KCNN2: variants seen among roughly 807,000 people sequenced by gnomAD.
The protein encoded by KCNN2 is small conductance calcium-activated potassium channel protein 2.
A neutral mutation model predicts 55.5 loss-of-function variants in KCNN2; 24 were observed. The observed-to-expected ratio is 0.43, with a 90% CI of 0.31 to 0.61. The LOEUF is 0.61. KCNN2 is among the 20% of genes least tolerant of loss of function. KCNN2 has a pLI of 0.08. For synonymous variants in KCNN2, 431 were observed against 336.1 expected (o/e 1.28, Z -3.09); for missense variants, 754 against 853.6 (o/e 0.88, Z 1.45).
intron 2 of KCNN2, among the ~76,000 whole-genome samples, chr5:114,227,981 TTGATGATGATGACGATGATGA>T (rs1288910374): frequency 6.7e-6 from 1 of 149,130 alleles, no homozygotes; most frequent in Non-Finnish European, 1.5e-5. Context: ...CAAACAATGA[TTGATGATGATGACGATGATGA>T]TGATGATGAT....
chr5:114,142,898 G>T (rs780558999), intron 1 of KCNN2, among the ~76,000 whole-genome samples: 1 of 152,148 alleles, frequency 6.6e-6, no homozygotes, highest in Non-Finnish European at 1.5e-5. Flanking sequence ...AAAAGAGCCC[G>T]CATTGACAAG....
intron 2 of KCNN2, among the ~76,000 whole-genome samples, chr5:114,232,242 G>A (rs551548744): frequency 5.3e-5 from 8 of 150,982 alleles, no homozygotes; most frequent in African/African-American, 1.7e-4. Context: ...GTCTGAATTA[G>A]AAATAGGATG....
chr5:114,399,699 AT>A (rs1350613411), intron 2 of KCNN2, among the ~76,000 whole-genome samples: 1 of 152,030 alleles, frequency 6.6e-6, no homozygotes, highest in Non-Finnish European at 1.5e-5. Context: ...ATATTAATAT[AT>A]CTGATAGAAT....
At chr5:114,193,092 T>C (rs1318518924) in intron 1 of KCNN2, among the ~76,000 whole-genome samples, 1 of 152,160 alleles carries the variant, frequency 6.6e-6, no homozygotes, top group South Asian at 2.1e-4. Context: ...AATATGTTTG[T>C]TGTTTATCTG....
chr5:114,426,618 T>G, intron 3 of KCNN2, among the ~76,000 whole-genome samples: 1 of 152,206 alleles, frequency 6.6e-6, no homozygotes, highest in East Asian at 1.9e-4. Flanking sequence ...GGCCTCTCAT[T>G]TTTAAAATTT....
At chr5:114,280,202 C>T (rs1232642761) in intron 2 of KCNN2, among the ~76,000 whole-genome samples, 2 of 151,982 alleles carry the variant, frequency 1.3e-5, no homozygotes, top group African/African-American at 4.8e-5. Flanking sequence ...GGATATTAGC[C>T]CTTTGTCAGA....
intron 2 of KCNN2, among the ~76,000 whole-genome samples, chr5:114,365,740 A>T (rs1395001765): frequency 6.6e-6 from 1 of 152,252 alleles, no homozygotes; most frequent in Non-Finnish European, 1.5e-5. Flanking sequence ...AACTTAAAAG[A>T]TCATTCCAAA....
intron 4 of KCNN2, among the ~76,000 whole-genome samples, chr5:114,471,427 A>G (rs1270961088): frequency 2.0e-5 from 3 of 152,240 alleles, no homozygotes; most frequent in Non-Finnish European, 2.9e-5. Flanking sequence ...AATGTTCAGT[A>G]CAGGTGCAGC....
intron 1 of KCNN2, among the ~76,000 whole-genome samples, chr5:114,124,330 T>G (rs1217709347): frequency 6.6e-6 from 1 of 152,188 alleles, no homozygotes; most frequent in African/African-American, 2.4e-5. Flanking sequence ...TTCAGAGATC[T>G]AGAAAGGAAA....
chr5:114,439,785 A>G (rs1195203178), intron 3 of KCNN2, among the ~76,000 whole-genome samples: 1 of 152,156 alleles, frequency 6.6e-6, no homozygotes, highest in East Asian at 1.9e-4. Context: ...ACCAACAAAC[A>G]AAAAAACACC....
At chr5:114,276,348 C>G (rs1231900519) in intron 2 of KCNN2, among the ~76,000 whole-genome samples, 2 of 152,142 alleles carry the variant, frequency 1.3e-5, no homozygotes, top group East Asian at 1.9e-4. Flanking sequence ...ATTAGGTCTG[C>G]TTGGTCCAGA....
In KCNN2 at chr5:114,080,625, AT is replaced by A. The variant is rs1750793177; in HGVS notation, c.-271+24127del. Among the ~76,000 whole-genome samples the A allele has an allele frequency of 2.0e-5, 3 of 152,300 alleles. No homozygotes were observed. The South Asian group carries it at 6.2e-4, about 32-fold the overall frequency. On this transcript the variant is annotated intron_variant, in intron 1 of 10. Coordinates refer to the KCNN2 transcript ENST00000512097. ...TGATTTAGAAAAAGCATTTAATAACATTCAAAACCATTCCATGATAAAAACA... is the reference window on the plus strand; with the variant it reads ...TGATTTAGAAAAAGCATTTAATAACATCAAAACCATTCCATGATAAAAACA...
At chr5:114,203,275 T>C (rs1481912531) in intron 1 of KCNN2, among the ~76,000 whole-genome samples, 1 of 152,220 alleles carries the variant, frequency 6.6e-6, no homozygotes, top group African/African-American at 2.4e-5. Flanking sequence ...CATTGAAAGT[T>C]ACCATTTAAA....
At chr5:114,172,923 A>C (rs1753066725) in intron 1 of KCNN2, among the ~76,000 whole-genome samples, 1 of 151,862 alleles carries the variant, frequency 6.6e-6, no homozygotes, top group South Asian at 2.1e-4. Flanking sequence ...GATATGCAGA[A>C]GCTTTTTAAC....
intron 2 of KCNN2, among the ~76,000 whole-genome samples, chr5:114,326,414 G>A (rs1756715470): frequency 6.6e-6 from 1 of 152,164 alleles, no homozygotes; most frequent in African/African-American, 2.4e-5. Context: ...AGTAAGTGAT[G>A]GAGCTTCTGC....
chr5:114,320,249 G>C (rs2150029136), intron 2 of KCNN2, among the ~76,000 whole-genome samples: 1 of 152,220 alleles, frequency 6.6e-6, no homozygotes, highest in South Asian at 2.1e-4. Flanking sequence ...CCATGTCCCA[G>C]ACCTTTTTTT....
chr5:114,486,951 G>T, intron 5 of KCNN2, 99 bp from the exon 6 acceptor site: 1 of 1,404,564 alleles, frequency 7.1e-7, no homozygotes, highest in Non-Finnish European at 9.9e-7. Context: ...TGAAGCTACA[G>T]CTCACCATGA....
intron 2 of KCNN2, among the ~76,000 whole-genome samples, chr5:114,295,885 A>G (rs1440956907): frequency 7.2e-6 from 1 of 139,688 alleles, no homozygotes; most frequent in Non-Finnish European, 1.6e-5. Context: ...ATTTGAAATA[A>G]GCTACCATAA....
At chr5:114,071,431 A>C (rs1199286942) in intron 1 of KCNN2, among the ~76,000 whole-genome samples, 1 of 152,174 alleles carries the variant, frequency 6.6e-6, no homozygotes, top group Non-Finnish European at 1.5e-5. Flanking sequence ...TGTTTGAAAA[A>C]ACTTAGGTCA....
Sources: gnomAD v4.1 joint callset for allele counts (sites outside exome capture counted in the v4.1 genomes callset) on GRCh38, gnomAD v4.1.1 for gene constraint, MANE v1.5 for transcripts, NCBI Gene and HGNC (gene_info 2026-07-23, HGNC 2026-07-21) for gene names.